NT5DC3: variants seen among roughly 807,000 people sequenced by gnomAD.
The protein encoded by NT5DC3 is 5'-nucleotidase domain containing 3, also known as 5'-nucleotidase domain-containing protein 3.
Under a neutral mutation model 67.8 loss-of-function variants are expected in NT5DC3, and 42 were observed. That is an observed-to-expected ratio of 0.62 (90% confidence interval 0.48 to 0.80). The LOEUF is 0.80. Among genes scored for constraint, NT5DC3 ranks in the 30% least tolerant of loss-of-function variants. The probability of loss-of-function intolerance (pLI) is 0.00; values close to 1 mark genes in which losing one functional copy is unlikely to be tolerated. For synonymous variants in NT5DC3, 237 were observed against 255.6 expected, an observed-to-expected ratio of 0.93 and a Z score of 0.69; for missense variants, 570 against 696.4, an observed-to-expected ratio of 0.82 and a Z score of 2.04.
chr12:103,794,306 C>T (rs1886214419), intron 6 of NT5DC3, among the ~76,000 whole-genome samples: 1 of 94,548 alleles, frequency 1.1e-5, no homozygotes, highest in Admixed American at 1.2e-4. Flanking sequence ...CCCGCCAGCA[C>T]ATCAGGCTAA....
At position 103,773,543 on chromosome 12, in the gene NT5DC3, A is replaced by C. The variant is rs1885243555; in HGVS notation, c.*4286T>G. ...GAACTTTGAGCTAAGCTCCTAAGGC[A>C]AAAAAGAAAGAAAGAAAAACCTGGT... is the stretch of plus-strand genomic sequence containing the variant. On this transcript the variant is annotated 3_prime_UTR_variant, in exon 14 of 14. Transcript: ENST00000392876. 1 of 152,264 alleles carries C rather than the reference A, an allele frequency of 6.6e-6. No homozygotes were observed. The highest frequency in any genetic ancestry group is 6.5e-5 in the Admixed American group (1 of 15,286). The allele number at this position is 152,264 out of a possible 1,614,324, so 9.4% of individuals were successfully genotyped here. A position where few individuals can be genotyped will look rare whatever the true frequency, so the allele number is the denominator to read the frequency against.
the NT5DC3 span, among the ~76,000 whole-genome samples, chr12:103,756,584 C>A: frequency 6.6e-6 from 1 of 152,188 alleles, no homozygotes; most frequent in Non-Finnish European, 1.5e-5. Context: ...AAGGACACAG[C>A]CTAACTCATC....
intron 9 of NT5DC3, among the ~76,000 whole-genome samples, chr12:103,792,108 G>A (rs1886093703): frequency 1.3e-5 from 2 of 152,156 alleles, no homozygotes; most frequent in Non-Finnish European, 2.9e-5. Flanking sequence ...GACGGTTTGC[G>A]GCTCTCCCAT....
chr12:103,787,094 G>A (rs12368209), intron 11 of NT5DC3, among the ~76,000 whole-genome samples: 27,121 of 151,842 alleles, frequency 0.18, 2,797 homozygotes, highest in Middle Eastern at 0.3. Flanking sequence ...TTTCAAAGGT[G>A]GATTTTATGT....
chr12:103,748,145 T>G, the NT5DC3 span, among the ~76,000 whole-genome samples: 3 of 152,224 alleles, frequency 2.0e-5, no homozygotes, highest in Non-Finnish European at 4.4e-5. Context: ...AAATTAGATC[T>G]TGCTATACCT....
Position 103,840,968 on chromosome 12 carries a change from C to T in NT5DC3, c.189G>A (p.Glu63=). ...ACTCACCTTCTGTGCTTCTCTTCGC[C>T]TCCCGGTAGCGCTCCCACAGGTAGC... ...MKRYLWERYR[E]AKRSTEELVP... is the part of the protein sequence containing the mutation. The change falls in exon 1 of 14, where the codon GAG becomes GAA. Residue 63 remains glutamate, a synonymous_variant. Coordinates refer to ENST00000392876, the MANE Select transcript of NT5DC3 (RefSeq NM_001031701.3). 7.4e-7 allele frequency: 1 copy of T among 1,346,164 alleles called. No individual in the cohort carries two copies. Among genetic ancestry groups the T allele is most frequent in the Non-Finnish European group, 9.6e-7 (1 of 1,043,104 alleles). 83.4% of individuals were successfully genotyped at this position (1,346,164 alleles called of 1,614,324 possible). A position where few individuals can be genotyped will look rare whatever the true frequency, so the allele number is the denominator to read the frequency against.
At chr12:103,798,131 A>G (rs1340120498) in intron 5 of NT5DC3, among the ~76,000 whole-genome samples, 1 of 152,228 alleles carries the variant, frequency 6.6e-6, no homozygotes, top group Non-Finnish European at 1.5e-5. Flanking sequence ...CAAGTAAGTG[A>G]GTGCATCTAG....
chr12:103,753,096 G>A, the NT5DC3 span: 1 of 1,153,200 alleles, frequency 8.7e-7, no homozygotes. Context: ...TGAAGGGAAA[G>A]TGGCTTCTGG....
intron 1 of NT5DC3, among the ~76,000 whole-genome samples, chr12:103,815,782 G>A (rs188629028): frequency 1.5e-3 from 232 of 152,002 alleles, no homozygotes; most frequent in African/African-American, 5.4e-3. Context: ...ACTTTAAAAG[G>A]GTGAATTGTA....
intron 1 of NT5DC3, 88 bp downstream of exon 1, chr12:103,840,861 G>A (rs1042967741): frequency 1.5e-6 from 1 of 654,422 alleles, no homozygotes; most frequent in Non-Finnish European, 2.2e-6. Context: ...TCCGCAGCTG[G>A]GCTGGTCCGG....
chr12:103,787,862 T>C (rs1253329210), intron 10 of NT5DC3, among the ~76,000 whole-genome samples: 4 of 147,252 alleles, frequency 2.7e-5, no homozygotes, highest in Non-Finnish European at 4.5e-5. Context: ...GCTGACATTA[T>C]CTATTTTATA....
chr12:103,813,589 T>G (rs1176107719), intron 2 of NT5DC3, among the ~76,000 whole-genome samples: 2 of 152,344 alleles, frequency 1.3e-5, no homozygotes, highest in South Asian at 2.1e-4. Context: ...GAACTTTGGC[T>G]GCATTAATAA....
At chr12:103,770,417 T>A (rs1227719431), downstream of NT5DC3, 1 of 146,348 alleles carries the variant, frequency 6.8e-6, no homozygotes, top group Admixed American at 7.1e-5. Flanking sequence ...AATATTTGAC[T>A]AATGAGTTTT....
chr12:103,750,484 C>T, the NT5DC3 span: 4 of 1,503,784 alleles, frequency 2.7e-6, no homozygotes, highest in East Asian at 6.8e-5. Context: ...TCCATCTGAA[C>T]ACCTCCTAGG....
At chr12:103,766,063 C>T (rs1333038508), downstream of NT5DC3, 2 of 678,586 alleles carry the variant, frequency 2.9e-6, no homozygotes, top group Non-Finnish European at 5.4e-6. Context: ...GATGATTTGT[C>T]TTGGGCCACC....
intron 2 of NT5DC3, among the ~76,000 whole-genome samples, chr12:103,813,795 G>A (rs1887134045): frequency 6.6e-6 from 1 of 152,292 alleles, no homozygotes; most frequent in East Asian, 1.9e-4. Context: ...CAATCAACTT[G>A]GGAAAAGTCT....
intron 2 of NT5DC3, 77 bp from the exon 3 acceptor site, chr12:103,807,006 C>T (rs1886828885): frequency 1.2e-6 from 1 of 855,852 alleles, no homozygotes; most frequent in African/African-American, 1.7e-5. Context: ...GGCCCTTGTA[C>T]AAAGGCTGAG....
intron 2 of NT5DC3, among the ~76,000 whole-genome samples, chr12:103,808,527 C>A (rs1161975342): frequency 1.3e-5 from 2 of 152,216 alleles, no homozygotes; most frequent in African/African-American, 4.8e-5. Context: ...GCAGGCTGAC[C>A]CGCATGTGGC....
At chr12:103,823,151 G>T (rs547466787) in intron 1 of NT5DC3, among the ~76,000 whole-genome samples, 4 of 149,988 alleles carry the variant, frequency 2.7e-5, no homozygotes, top group Middle Eastern at 3.4e-3. Flanking sequence ...TAGAAAAAAA[G>T]AATATACAGA....
Sources: gnomAD v4.1 joint callset for allele counts (sites outside exome capture counted in the v4.1 genomes callset) on GRCh38, gnomAD v4.1.1 for gene constraint, MANE v1.5 for transcripts, NCBI Gene and HGNC (gene_info 2026-07-23, HGNC 2026-07-21) for gene names.